SEMA6A: variants seen among roughly 807,000 people sequenced by gnomAD.
SEMA6A encodes semaphorin-6A.
In SEMA6A, 25 loss-of-function variants were observed where a neutral mutation model predicts 96.8. The observed-to-expected ratio is 0.26, with a 90% CI of 0.19 to 0.36. The LOEUF (loss-of-function observed/expected upper bound fraction) is 0.36, where lower values mean the gene tolerates loss of function less well. SEMA6A is among the 10% of genes least tolerant of loss of function. The pLI, the probability that SEMA6A is intolerant of heterozygous loss-of-function variation, is 1.00. For synonymous variants in SEMA6A, 612 were observed against 518.0 expected, an observed-to-expected ratio of 1.18 and a Z score of -2.46; for missense variants, 1,363 against 1,323.1, an observed-to-expected ratio of 1.03 and a Z score of -0.47.
At chr5:116,570,948 T>G (rs764250482) in intron 1 of SEMA6A, among the ~76,000 whole-genome samples, 16 of 152,220 alleles carry the variant, frequency 1.1e-4, no homozygotes, top group Non-Finnish European at 1.9e-4. Context: ...TAGACTTCAC[T>G]AGTGCAATGT....
At chr5:116,502,363 C>G (rs1757926114) in intron 2 of SEMA6A, 36 bp from the exon 3 acceptor site, 1 of 1,583,092 alleles carries the variant, frequency 6.3e-7, no homozygotes, top group Non-Finnish European at 8.7e-7. Flanking sequence ...AAAGGAAAAG[C>G]AAATCAAGCC....
intron 2 of SEMA6A, among the ~76,000 whole-genome samples, chr5:116,503,160 A>T (rs1757972566): frequency 6.6e-6 from 1 of 152,164 alleles, no homozygotes; most frequent in African/African-American, 2.4e-5. Flanking sequence ...CCTCCAGACA[A>T]ACTCAGGAGG....
chr5:116,508,923 C>T (rs962131917), intron 1 of SEMA6A, among the ~76,000 whole-genome samples: 1 of 152,220 alleles, frequency 6.6e-6, no homozygotes, highest in Non-Finnish European at 1.5e-5. Flanking sequence ...GTATTCTGTT[C>T]CTCTTGACCA....
At chr5:116,499,950 C>T (rs1177353055) in intron 3 of SEMA6A, among the ~76,000 whole-genome samples, 3 of 152,138 alleles carry the variant, frequency 2.0e-5, no homozygotes, top group Non-Finnish European at 2.9e-5. Context: ...TTTTTTCCCC[C>T]GGAAACTCAA....
At chr5:116,533,373 T>G (rs1199028689) in intron 1 of SEMA6A, among the ~76,000 whole-genome samples, 1 of 152,164 alleles carries the variant, frequency 6.6e-6, no homozygotes, top group Admixed American at 6.5e-5. Flanking sequence ...CTTACACCTT[T>G]TTAGTCAGAC....
chr5:116,502,593 T>C (rs932342407), intron 2 of SEMA6A: 2 of 394,074 alleles, frequency 5.1e-6, no homozygotes, highest in African/African-American at 4.1e-5. Flanking sequence ...TTTGTCTCTC[T>C]TTCTCAGGGC....
chr5:116,471,248 A>T (rs576433535), intron 17 of SEMA6A: 14 of 152,330 alleles, frequency 9.2e-5, no homozygotes, highest in African/African-American at 3.1e-4. Context: ...ACACGGAAGC[A>T]TTAATAAGTA....
chr5:116,497,204 A>G (rs959246525), intron 4 of SEMA6A, 123 bp downstream of exon 4: 2 of 604,180 alleles, frequency 3.3e-6, no homozygotes, highest in Non-Finnish European at 5.8e-6. Flanking sequence ...ATTTCACAAA[A>G]TGCATGTTGG....
chr5:116,501,628 C>T (rs967909618), intron 3 of SEMA6A, among the ~76,000 whole-genome samples: 1 of 152,204 alleles, frequency 6.6e-6, no homozygotes, highest in Non-Finnish European at 1.5e-5. Context: ...TGGTTCATGC[C>T]TGTAATCCCA....
At chr5:116,517,847 G>C (rs1428361213) in intron 1 of SEMA6A, among the ~76,000 whole-genome samples, 1 of 152,134 alleles carries the variant, frequency 6.6e-6, no homozygotes, top group Non-Finnish European at 1.5e-5. Flanking sequence ...TCCTCTCTCT[G>C]TAGAAAATGG....
At chr5:116,513,496 C>G (rs918307285) in intron 1 of SEMA6A, among the ~76,000 whole-genome samples, 1 of 152,054 alleles carries the variant, frequency 6.6e-6, no homozygotes, top group Non-Finnish European at 1.5e-5. Context: ...TTGTACAATT[C>G]CTCTGGAAAA....
rs573507632 is a variant in SEMA6A, at chr5:116,519,701, A to G, written c.-38-14719T>C. Among the ~76,000 whole-genome samples, 247 of 151,954 alleles carry G rather than the reference A, an allele frequency of 1.6e-3. 3 individuals are homozygous for G. Among genetic ancestry groups the G allele is most frequent in the African/African-American group, 5.7e-3 (234 of 41,410 alleles). On this transcript the variant is annotated intron_variant, in intron 1 of 18. Transcript: ENST00000343348. ...CACACACACACACACACGCACACACATACATTATACATATAATACAGACTT... is the reference window on the plus strand; with the variant it reads ...CACACACACACACACACGCACACACGTACATTATACATATAATACAGACTT...
chr5:116,524,781 C>G (rs970355725), intron 1 of SEMA6A, among the ~76,000 whole-genome samples: 1 of 149,384 alleles, frequency 6.7e-6, no homozygotes, highest in African/African-American at 2.5e-5. Context: ...TACACACACA[C>G]ACACACAGAC....
chr5:116,544,416 G>A (rs1760099467), intron 1 of SEMA6A, among the ~76,000 whole-genome samples: 1 of 151,824 alleles, frequency 6.6e-6, no homozygotes. Flanking sequence ...TCAGCCTCCC[G>A]AGTAGCTGAG....
At position 116,486,925 on chromosome 5, in the gene SEMA6A, C is replaced by A; in HGVS notation, c.786G>T (p.Met262Ile). The change falls in exon 10 of 19, where the codon ATG becomes ATT. Residue 262 changes from methionine to isoleucine, a missense_variant. Physicochemically the swap from Met to Ile is conservative, Grantham distance 10. This residue lies in a region of SEMA6A where 480 missense variants were observed against 559.5 expected (regional missense o/e 0.86). Coordinates refer to ENST00000343348, the MANE Select transcript of SEMA6A (RefSeq NM_020796.5). The stretch of plus-strand genomic sequence containing the variant: ...TCTCCAGGACTCTTTGAGATCCTCC[C>A]ATATCATTCTTACAAACCTGAGCCA... ...PRVAQVCKND[M>I]GGSQRVLEKQ... 6.2e-7 allele frequency: 1 copy of A among 1,613,768 alleles called. No homozygotes were observed. The highest frequency in any genetic ancestry group is 8.5e-7 in the Non-Finnish European group (1 of 1,179,748).
intron 18 of SEMA6A, among the ~76,000 whole-genome samples, chr5:116,458,581 T>C (rs142945767): frequency 6.6e-5 from 10 of 152,272 alleles, no homozygotes; most frequent in Non-Finnish European, 1.0e-4. Flanking sequence ...TCCATAATCA[T>C]AATTTAAGTC....
At chr5:116,545,549 G>C (rs1001586788) in intron 1 of SEMA6A, among the ~76,000 whole-genome samples, 1 of 152,056 alleles carries the variant, frequency 6.6e-6, no homozygotes, top group African/African-American at 2.4e-5. Flanking sequence ...CAGCCTGGGG[G>C]ACAAGAGCGA....
At chr5:116,467,555 A>G (rs770610528) in intron 18 of SEMA6A, 28 bp downstream of exon 18, 3 of 1,589,972 alleles carry the variant, frequency 1.9e-6, no homozygotes, top group Non-Finnish European at 2.6e-6. Flanking sequence ...CTCTCCCCCG[A>G]GAGGAAGAGG....
At chr5:116,507,470 C>T (rs456324) in intron 1 of SEMA6A, among the ~76,000 whole-genome samples, 76,406 of 151,642 alleles carry the variant, frequency 0.5, 20,630 homozygotes, top group East Asian at 0.64. Flanking sequence ...CCTAAGATGA[C>T]GCAATACAGA....
Sources: gnomAD v4.1 joint callset for allele counts (sites outside exome capture counted in the v4.1 genomes callset) on GRCh38, gnomAD v4.1.1 for gene constraint, gnomAD v4.1.1 regional missense constraint, MANE v1.5 for transcripts, NCBI Gene and HGNC (gene_info 2026-07-23, HGNC 2026-07-21) for gene names.